The following GRB10 variants were observed in gnomAD, a reference collection of about 807,000 sequenced individuals.
GRB10 encodes the protein growth factor receptor-bound protein 10.
GRB10 carries 20 observed loss-of-function variants against 80.9 expected under a neutral mutation model. That is an observed-to-expected ratio of 0.25 (90% CI 0.17 to 0.36). GRB10 has a LOEUF of 0.36. Among genes scored for constraint, GRB10 ranks in the 10% least tolerant of loss-of-function variants. The pLI is 1.00. For missense variants in GRB10, 548 were observed against 747.7 expected, an observed-to-expected ratio of 0.73 and a Z score of 3.12; for synonymous variants, 291 against 291.5, an observed-to-expected ratio of 1.00 and a Z score of 0.02.
chr7:50,606,485 G>A, intron 13 of GRB10, 71 bp from the exon 14 acceptor site: 1 of 1,040,106 alleles, frequency 9.6e-7, no homozygotes, highest in Non-Finnish European at 1.5e-6. Context: ...AAACGCCACA[G>A]CAGGAAAGGG....
chr7:50,683,723 C>T (rs990102302), intron 5 of GRB10, among the ~76,000 whole-genome samples: 6 of 151,152 alleles, frequency 4.0e-5, no homozygotes, highest in Non-Finnish European at 7.4e-5. Flanking sequence ...GGTGACAGAG[C>T]GAGACTCCAT....
At chr7:50,784,924 C>G (rs979281366), upstream of GRB10, among the ~76,000 whole-genome samples, 2 of 152,218 alleles carry the variant, frequency 1.3e-5, no homozygotes, top group Non-Finnish European at 2.9e-5. Flanking sequence ...TCAGGAATAG[C>G]TGGGCCCCAT....
At chr7:50,742,401 G>A (rs1348733842) in intron 3 of GRB10, among the ~76,000 whole-genome samples, 4 of 152,158 alleles carry the variant, frequency 2.6e-5, no homozygotes, top group African/African-American at 4.8e-5. Context: ...CTCAATGAAG[G>A]AGACGAAGCT....
Position 50,591,933 on chromosome 7 carries a change from C to T in GRB10, c.*1019G>A, listed in dbSNP as rs2045889243. ...CCATTTTCTCTTTAGATCCTTTAAT[C>T]CCCCGAGGGACATCAGCCGTGAAAC... On this transcript the variant is annotated 3_prime_UTR_variant, in exon 19 of 19. Coordinates refer to ENST00000401949, the MANE Select transcript of GRB10 (RefSeq NM_001350814.2). 6.6e-6 allele frequency: 1 copy of T among 152,238 alleles called. No homozygotes were observed. Among genetic ancestry groups the T allele is most frequent in the Admixed American group, 6.5e-5 (1 of 15,284 alleles). The allele number at this position is 152,238 out of a possible 1,614,324, so 9.4% of individuals were successfully genotyped here.
At chr7:50,646,253 C>T (rs971632046) in intron 7 of GRB10, among the ~76,000 whole-genome samples, 4 of 152,174 alleles carry the variant, frequency 2.6e-5, no homozygotes, top group South Asian at 2.1e-4. Flanking sequence ...ATGGAAAGCA[C>T]GGGGGCCCTT....
intron 5 of GRB10, among the ~76,000 whole-genome samples, chr7:50,688,911 G>A (rs990761736): frequency 6.6e-6 from 1 of 152,110 alleles, no homozygotes; most frequent in African/African-American, 2.4e-5. Flanking sequence ...AGTAGGGGTG[G>A]AGGTTATCAG....
At chr7:50,613,549 T>C (rs1168617706) in intron 12 of GRB10, among the ~76,000 whole-genome samples, 2 of 152,070 alleles carry the variant, frequency 1.3e-5, no homozygotes, top group Non-Finnish European at 2.9e-5. Context: ...CAAGAAACAA[T>C]GCTGGACACA....
chr7:50,697,796 T>A (rs2063635598), intron 5 of GRB10, among the ~76,000 whole-genome samples: 1 of 152,196 alleles, frequency 6.6e-6, no homozygotes, highest in Non-Finnish European at 1.5e-5. Context: ...CTGACTCCTG[T>A]AGGCTGTGCT....
chr7:50,655,163 T>C (rs1426671828), intron 7 of GRB10, among the ~76,000 whole-genome samples: 1 of 152,122 alleles, frequency 6.6e-6, no homozygotes, highest in African/African-American at 2.4e-5. Flanking sequence ...TGACGTCCCT[T>C]TGAGATTAGC....
At chr7:50,725,649 T>C (rs527269508) in intron 4 of GRB10, among the ~76,000 whole-genome samples, 6 of 152,340 alleles carry the variant, frequency 3.9e-5, no homozygotes, top group East Asian at 1.9e-4. Context: ...ATTACTAACA[T>C]TGAACTTTCA....
At chr7:50,642,149 C>T (rs1364681592) in intron 7 of GRB10, among the ~76,000 whole-genome samples, 2 of 152,114 alleles carry the variant, frequency 1.3e-5, no homozygotes, top group African/African-American at 2.4e-5. Flanking sequence ...GCCTCAGAGG[C>T]CTAAGCAGGA....
chr7:50,788,126 G>A (rs908818925), intron 1 of GRB10, among the ~76,000 whole-genome samples: 1 of 152,156 alleles, frequency 6.6e-6, no homozygotes, highest in African/African-American at 2.4e-5. Context: ...CTCAAAGCAG[G>A]GAATCCAAAA....
chr7:50,714,727 A>C (rs1013393915), intron 4 of GRB10, among the ~76,000 whole-genome samples: 1 of 151,690 alleles, frequency 6.6e-6, no homozygotes, highest in Non-Finnish European at 1.5e-5. Context: ...GGGGTGCACA[A>C]AGCCATTGCA....
intron 7 of GRB10, among the ~76,000 whole-genome samples, chr7:50,661,044 G>A (rs889119138): frequency 2.0e-5 from 3 of 152,236 alleles, no homozygotes; most frequent in Non-Finnish European, 4.4e-5. Context: ...GCTAAAGGAT[G>A]GAGGAAGTCC....
At chr7:50,619,073 C>A in intron 9 of GRB10, 97 bp downstream of exon 9, 1 of 748,738 alleles carries the variant, frequency 1.3e-6, no homozygotes. Flanking sequence ...CTACACCATG[C>A]CTCTCAGTCA....
In GRB10 at chr7:50,666,323, G is replaced by A. The variant is rs376545691; in HGVS notation, c.504+3399C>T. ...CCGGCCCGTTGTAGGGGCTCAAGGT[G>A]AGCGAAGGCAGAGAGCTCAGAGGGA... On this transcript the variant is annotated intron_variant, in intron 7 of 18. Coordinates refer to ENST00000401949, the MANE Select transcript of GRB10 (RefSeq NM_001350814.2). Among the ~76,000 whole-genome samples the A allele has an allele frequency of 1.2e-4, 18 of 152,318 alleles. No homozygotes were observed. In the East Asian group the frequency reaches 3.1e-3, roughly 26 times the overall value.
chr7:50,619,293 G>A lies in GRB10; in HGVS notation c.662-8C>T. 1.3e-6 allele frequency: 2 copies of A among 1,546,890 alleles called. No homozygotes were observed. The highest frequency in any genetic ancestry group is 2.2e-5 in the East Asian group (1 of 44,554). ...GGTCTTCCAAGCACCTCTCTGCAGG[G>A]GCAAAGCATCACGTGTGAGACGCAA... On this transcript the variant is annotated splice_polypyrimidine_tract_variant and splice_region_variant and intron_variant, in intron 8 of 18. Coordinates refer to ENST00000401949, the MANE Select transcript of GRB10 (RefSeq NM_001350814.2).
chr7:50,609,201 T>C (rs1275095380), intron 13 of GRB10, among the ~76,000 whole-genome samples: 1 of 152,206 alleles, frequency 6.6e-6, no homozygotes, highest in African/African-American at 2.4e-5. Context: ...GTAAATATTT[T>C]GGTTAAAAGA....
At chr7:50,713,559 C>A (rs2066263889) in intron 4 of GRB10, among the ~76,000 whole-genome samples, 1 of 149,998 alleles carries the variant, frequency 6.7e-6, no homozygotes, top group African/African-American at 2.5e-5. Flanking sequence ...TCACCTCCAC[C>A]TCCTCCACCA....
Sources: allele counts gnomAD v4.1 joint callset (sites outside exome capture counted in the v4.1 genomes callset), GRCh38; gene constraint gnomAD v4.1.1; transcripts MANE v1.5; gene names NCBI Gene and HGNC (gene_info 2026-07-23, HGNC 2026-07-21).